The following PLCH2 variants were observed in gnomAD, a reference collection of about 807,000 sequenced individuals.
PLCH2 encodes 1-phosphatidylinositol 4,5-bisphosphate phosphodiesterase eta-2.
PLCH2 carries 98 observed loss-of-function variants against 134.7 expected under a neutral mutation model. The ratio of observed to expected loss-of-function variants is 0.73; its 90% CI spans 0.62 to 0.86. The LOEUF (loss-of-function observed/expected upper bound fraction) is 0.86. PLCH2 is among the 40% of genes least tolerant of loss of function. PLCH2 has a pLI of 0.00. For synonymous variants in PLCH2, 974 were observed against 827.5 expected, an observed-to-expected ratio of 1.18 and a Z score of -3.04; for missense variants, 1,994 against 1,986.6, an observed-to-expected ratio of 1.00 and a Z score of -0.07.
rs1643299057 is a variant in PLCH2 at position 2,502,659 on chromosome 1, T to G, written c.2959+250T>G. On this transcript the variant is annotated intron_variant, in intron 21 of 21. Coordinates refer to ENST00000378486, the MANE Select transcript of PLCH2 (RefSeq NM_014638.4). ...TCACTGGGGGCCCCCTGCTGTGGCC[T>G]GGACCCTCACGCTATCCCGGGGAGA... 9 of 688,304 alleles carry G rather than the reference T, an allele frequency of 1.3e-5. No homozygotes were observed. In the South Asian group the frequency reaches 1.4e-4, roughly 11 times the overall value. The allele number at this position is 688,304 out of a possible 1,614,324, so 42.6% of individuals were successfully genotyped here. A position where few individuals can be genotyped will look rare whatever the true frequency, so the allele number is the denominator to read the frequency against.
At chr1:2,482,195 G>C (rs942817) in intron 4 of PLCH2, among the ~76,000 whole-genome samples, 92,461 of 152,198 alleles carry the variant, frequency 0.61, 28,314 homozygotes, top group East Asian at 0.79. Flanking sequence ...GGGCCTCACT[G>C]TCCGAGCATT....
chr1:2,452,577 T>C (rs1640297013), intron 2 of PLCH2, among the ~76,000 whole-genome samples: 1 of 152,138 alleles, frequency 6.6e-6, no homozygotes, highest in East Asian at 1.9e-4. Context: ...CTTGCAGGCA[T>C]TCGGGGAGCA....
At chr1:2,487,534 C>T in intron 7 of PLCH2, 64 bp from the exon 8 acceptor site, 1 of 1,563,984 alleles carries the variant, frequency 6.4e-7, no homozygotes, top group Non-Finnish European at 8.7e-7. Context: ...TTGGTCGAAG[C>T]TCAGCCTGCC....
intron 11 of PLCH2, 135 bp from the exon 12 acceptor site, chr1:2,494,721 C>T (rs1049522255): frequency 8.8e-6 from 6 of 679,980 alleles, no homozygotes; most frequent in East Asian, 5.5e-5. Flanking sequence ...CCTCCCCTCC[C>T]GTCTGCCTTA....
At chr1:2,430,566 G>A (rs1390569081) in exon 2 of PLCH2, 1 of 152,234 alleles carries the variant, frequency 6.6e-6, no homozygotes. Flanking sequence ...TCTTCCGCCT[G>A]AGGACCCAGG....
intron 10 of PLCH2, among the ~76,000 whole-genome samples, chr1:2,490,123 CT>C (rs1299834885): frequency 6.6e-6 from 1 of 152,088 alleles, no homozygotes; most frequent in African/African-American, 2.4e-5. Flanking sequence ...TCCACTCCCC[CT>C]GCCCTGTCCT....
At position 2,439,547 on chromosome 1, in the gene PLCH2, G is replaced by A. The variant is rs1348240152; in HGVS notation, c.115+8918G>A. On this transcript the variant is annotated intron_variant, in intron 2 of 3. Transcript: ENST00000609981. This position sits in a 1 kb window ranked among gnomAD's most constrained non-coding sequence, Gnocchi z 4.7. Reference sequence around the variant, plus strand: ...TAAATTTAGCTGCTGAGGATTGCACGTTTACCCGATTAAGCCCATTGATTG... The same window carrying A: ...TAAATTTAGCTGCTGAGGATTGCACATTTACCCGATTAAGCCCATTGATTG... Among the ~76,000 whole-genome samples the A allele has an allele frequency of 3.9e-5, 6 of 152,242 alleles. No individual in the cohort carries two copies. Among genetic ancestry groups the A allele is most frequent in the Non-Finnish European group, 7.3e-5 (5 of 68,040 alleles).
intron 1 of PLCH2, among the ~76,000 whole-genome samples, chr1:2,478,173 C>T (rs1041839742): frequency 4.6e-5 from 7 of 152,154 alleles, no homozygotes; most frequent in African/African-American, 7.2e-5. Flanking sequence ...GGCAGGTGGC[C>T]GAGCAGGGTG....
At chr1:2,461,571 T>C (rs1018394426) in intron 2 of PLCH2, among the ~76,000 whole-genome samples, 1 of 152,122 alleles carries the variant, frequency 6.6e-6, no homozygotes, top group Non-Finnish European at 1.5e-5. Flanking sequence ...CCTGCTGGGT[T>C]ACCCAGCCCT....
chr1:2,445,686 A>G (rs565056866), intron 2 of PLCH2, among the ~76,000 whole-genome samples: 43 of 151,596 alleles, frequency 2.8e-4, no homozygotes, highest in African/African-American at 9.9e-4. Flanking sequence ...CCCCCTACAG[A>G]CCCTCCTAGG....
chr1:2,458,342 C>T (rs373526416), intron 2 of PLCH2, among the ~76,000 whole-genome samples: 1 of 152,192 alleles, frequency 6.6e-6, no homozygotes, highest in Non-Finnish European at 1.5e-5. Context: ...ATGGCAGAGA[C>T]CCTGGAGCAG....
intron 4 of PLCH2, among the ~76,000 whole-genome samples, chr1:2,482,827 G>T (rs924945143): frequency 6.6e-6 from 1 of 152,206 alleles, no homozygotes; most frequent in African/African-American, 2.4e-5. Flanking sequence ...GCCGGCCCTG[G>T]TTCCTGCTCA....
chr1:2,416,465 G>A, the PLCH2 span, among the ~76,000 whole-genome samples: 1 of 152,210 alleles, frequency 6.6e-6, no homozygotes, highest in Admixed American at 6.5e-5. Context: ...GAACGGGTTC[G>A]TCTGCCTGGC....
In PLCH2 at chr1:2,459,586, CGG is replaced by C. The variant is rs1640700701; in HGVS notation, c.116-18889_116-18888del. On this transcript the variant is annotated intron_variant, in intron 2 of 3. Transcript: ENST00000609981. ...CCTCCTTGCCGGTGGTCCTCCTTGC[CGG>C]TGGTCTTCCTTTCCGGTGGTCCTCC... Among the ~76,000 whole-genome samples the C allele has an allele frequency of 1.1e-4, 10 of 89,784 alleles. 2 individuals are homozygous for C. The highest frequency in any genetic ancestry group is 1.1e-3 in the East Asian group (2 of 1,782). 58.9% of individuals were successfully genotyped at this position (89,784 alleles called of 152,430 possible).
At chr1:2,436,370 C>T (rs1639379155) in intron 2 of PLCH2, among the ~76,000 whole-genome samples, 1 of 78,208 alleles carries the variant, frequency 1.3e-5, no homozygotes, top group Non-Finnish European at 3.0e-5. Context: ...CTCCTCCCTT[C>T]CTCCCTCCTC....
At chr1:2,484,757 C>T in intron 5 of PLCH2, 139 bp downstream of exon 5, 1 of 888,182 alleles carries the variant, frequency 1.1e-6, no homozygotes, top group African/African-American at 1.7e-5. Flanking sequence ...GCTACCTGGG[C>T]TCATGCCCCT....
At chr1:2,479,694 C>T (rs1489984296) in intron 2 of PLCH2, 40 bp from the exon 3 acceptor site, 8 of 1,507,626 alleles carry the variant, frequency 5.3e-6, no homozygotes, top group East Asian at 2.5e-5. Flanking sequence ...GGACGCTGGG[C>T]CCCCGGGGAC....
chr1:2,454,871 G>A (rs1640413403), intron 2 of PLCH2, among the ~76,000 whole-genome samples: 1 of 152,134 alleles, frequency 6.6e-6, no homozygotes, highest in African/African-American at 2.4e-5. Context: ...AGAGCAGGTG[G>A]CTCGCGGCTC....
At chr1:2,437,220 G>C (rs562457163) in intron 2 of PLCH2, among the ~76,000 whole-genome samples, 1 of 152,280 alleles carries the variant, frequency 6.6e-6, no homozygotes, top group African/African-American at 2.4e-5. Flanking sequence ...GTTATGGCCC[G>C]GGGTCACTCT....
Sources: gnomAD v4.1 joint callset for allele counts (sites outside exome capture counted in the v4.1 genomes callset) on GRCh38, gnomAD v4.1.1 for gene constraint, Gnocchi (gnomAD v3.1) non-coding constraint, MANE v1.5 for transcripts, NCBI Gene and HGNC (gene_info 2026-07-23, HGNC 2026-07-21) for gene names.